The following MXD4 variants were observed in gnomAD, a reference collection of about 807,000 sequenced individuals.
The protein encoded by MXD4 is Mad4 homolog.
Under a neutral mutation model 24.5 loss-of-function variants are expected in MXD4, and 16 were observed. The ratio of observed to expected loss-of-function variants is 0.65; its 90% CI spans 0.44 to 0.99. The LOEUF (loss-of-function observed/expected upper bound fraction) is 0.99. Ranked by LOEUF, MXD4 falls within the 50% of genes least tolerant of loss-of-function variation. MXD4 has a pLI of 0.00. For missense variants in MXD4, 301 were observed against 301.5 expected, an observed-to-expected ratio of 1.00 and a Z score of 0.01; for synonymous variants, 164 against 134.2, an observed-to-expected ratio of 1.22 and a Z score of -1.54.
In MXD4 at chr4:2,250,543, C is replaced by A; in HGVS notation, c.*1G>T. The A allele has an allele frequency of 6.3e-7, 1 of 1,577,348 alleles. No homozygotes were observed. Among genetic ancestry groups the A allele is most frequent in the Non-Finnish European group, 8.6e-7 (1 of 1,162,548 alleles). ...CAGGCCAAGGAGCAGAGGGCACGGG[C>A]CTACGAGAGGGCGGGGCGGCCCAGC... On this transcript the variant is annotated 3_prime_UTR_variant, in exon 6 of 6. Coordinates refer to ENST00000337190, the MANE Select transcript of MXD4 (RefSeq NM_006454.3).
At chr4:2,252,005 C>T (rs1325464362) in intron 4 of MXD4, among the ~76,000 whole-genome samples, 3 of 152,248 alleles carry the variant, frequency 2.0e-5, no homozygotes, top group African/African-American at 7.2e-5. Flanking sequence ...ATCAGGCTGC[C>T]TACTTTTAGT....
At chr4:2,252,258 C>T (rs1053486616) in intron 4 of MXD4, 150 bp downstream of exon 4, 1 of 655,464 alleles carries the variant, frequency 1.5e-6, no homozygotes, top group African/African-American at 1.8e-5. Flanking sequence ...CCCACCAGGC[C>T]CCCGACACAC....
chr4:2,250,743 G>A (rs767369966), intron 5 of MXD4, 42 bp from the exon 6 acceptor site: 15 of 1,590,922 alleles, frequency 9.4e-6, no homozygotes, highest in Non-Finnish European at 1.2e-5. Context: ...CCACTCTGAG[G>A]GTGCCAGCCC....
intron 2 of MXD4, among the ~76,000 whole-genome samples, chr4:2,258,580 A>G (rs577087175): frequency 5.9e-5 from 9 of 152,322 alleles, no homozygotes; most frequent in African/African-American, 2.2e-4. Flanking sequence ...CAGCAGGTGG[A>G]GATGGAGCCC....
At position 2,248,139 on chromosome 4, in the gene MXD4, TG is replaced by T. The variant is rs1358136792; in HGVS notation, c.*2404del. 6.6e-6 allele frequency: 1 copy of T among 152,594 alleles called. No individual in the cohort carries two copies. The highest frequency in any genetic ancestry group is 2.4e-5 in the African/African-American group (1 of 41,458). The allele number at this position is 152,594 out of a possible 1,614,324, so 9.5% of individuals were successfully genotyped here. On this transcript the variant is annotated 3_prime_UTR_variant, in exon 6 of 6. Coordinates refer to ENST00000337190, the MANE Select transcript of MXD4 (RefSeq NM_006454.3). The stretch of plus-strand genomic sequence containing the variant: ...CCCCTGACAGGGAGCAGTGGGAGGT[TG>T]GAGCATGTGGTGACTCCTAGCACGG...
intron 2 of MXD4, among the ~76,000 whole-genome samples, chr4:2,258,598 A>T (rs1424326841): frequency 6.6e-6 from 1 of 152,208 alleles, no homozygotes; most frequent in Non-Finnish European, 1.5e-5. Context: ...CCCAGAGACC[A>T]GGCCCTCAGG....
At chr4:2,250,958 C>T in intron 5 of MXD4, 126 bp downstream of exon 5, 1 of 1,261,116 alleles carries the variant, frequency 7.9e-7, no homozygotes, top group South Asian at 1.6e-5. Context: ...ACACACACCC[C>T]AGTGCAGCAG....
chr4:2,260,150 C>T lies in MXD4; in HGVS notation c.164+1575G>A, dbSNP rs547272087. Among the ~76,000 whole-genome samples the T allele has an allele frequency of 1.4e-4, 22 of 152,322 alleles. 1 individual carries two copies. The South Asian group carries it at 4.6e-3, about 32-fold the overall frequency. ...CCTCAGGCCCCGGGGGAGCGGGGCT[C>T]GGCCCAGAGGAGCCAGGGGAGATGC... is the stretch of plus-strand genomic sequence containing the variant. On this transcript the variant is annotated intron_variant, in intron 2 of 5. Transcript: ENST00000337190.
Position 2,252,559 on chromosome 4 carries a change from G to C in MXD4, c.195-37C>G, listed in dbSNP as rs751711096. 2.3e-5 allele frequency: 35 copies of C among 1,499,166 alleles called. No individual in the cohort carries two copies. In the South Asian group the frequency reaches 3.1e-4, roughly 13 times the overall value. 92.9% of individuals were successfully genotyped at this position (1,499,166 alleles called of 1,614,324 possible). A position where few individuals can be genotyped will look rare whatever the true frequency, so the allele number is the denominator to read the frequency against. Reference sequence around the variant, plus strand: ...AGAGACAGAACCATCAGGCTGGGGTGGGGGAGGGCAGCAGGCAGTTTCCAG... The same window carrying C: ...AGAGACAGAACCATCAGGCTGGGGTCGGGGAGGGCAGCAGGCAGTTTCCAG... On this transcript the variant is annotated intron_variant, in intron 3 of 5. Transcript: ENST00000337190.
At chr4:2,257,831 C>T (rs1735461399) in intron 3 of MXD4, 151 bp downstream of exon 3, 9 of 1,021,670 alleles carry the variant, frequency 8.8e-6, no homozygotes, top group Non-Finnish European at 1.3e-5. Context: ...TCAGCCTTCT[C>T]CTCCAAGTCT....
At chr4:2,258,813 G>GCAAGCAGGATGGGCTGCC in intron 2 of MXD4, 1 of 436,770 alleles carries the variant, frequency 2.3e-6, no homozygotes, top group Admixed American at 2.4e-5. Context: ...CAGGGGCTGT[G>GCAAGCAGGATGGGCTGCC]CTAGCAGGAT....
chr4:2,261,873 C>A, intron 1 of MXD4, 44 bp downstream of exon 1: 15 of 1,392,864 alleles, frequency 1.1e-5, no homozygotes, highest in Non-Finnish European at 1.4e-5. Flanking sequence ...ACGGCCCCGC[C>A]GCCCGCCCAC....
chr4:2,260,212 G>A (rs1351582359), intron 2 of MXD4, among the ~76,000 whole-genome samples: 2 of 152,202 alleles, frequency 1.3e-5, no homozygotes, highest in African/African-American at 4.8e-5. Flanking sequence ...CCTCACCAGT[G>A]CCCCCATGGT....
At chr4:2,256,900 C>G (rs1735442281) in intron 3 of MXD4, among the ~76,000 whole-genome samples, 1 of 152,152 alleles carries the variant, frequency 6.6e-6, no homozygotes, top group Non-Finnish European at 1.5e-5. Context: ...CCCCACGTGC[C>G]TGCCCCGGCT....
intron 5 of MXD4, 46 bp downstream of exon 5, chr4:2,251,038 C>T (rs763707328): frequency 2.1e-5 from 31 of 1,492,598 alleles, no homozygotes; most frequent in African/African-American, 7.0e-5. Context: ...TGCACCACTG[C>T]GCACCCGGAG....
At chr4:2,252,623 C>A (rs1434199080) in intron 3 of MXD4, 101 bp from the exon 4 acceptor site, 6 of 758,668 alleles carry the variant, frequency 7.9e-6, no homozygotes, top group Non-Finnish European at 1.3e-5. Flanking sequence ...CACTGCTGCA[C>A]ATGTGCTGAG....
At chr4:2,260,822 G>A (rs907317761) in intron 2 of MXD4, among the ~76,000 whole-genome samples, 5 of 152,224 alleles carry the variant, frequency 3.3e-5, no homozygotes, top group Non-Finnish European at 7.3e-5. Context: ...CTCCCAGCCT[G>A]CTCACACAAA....
chr4:2,250,595 G>A lies in MXD4; in HGVS notation c.579C>T (p.Asp193=). ...HYSLQSGTGG[D]SGFGPHCRRL... is the part of the protein sequence containing the mutation. ...GCCGGCAGTGGGGCCCGAAGCCACT[G>A]TCGCCGCCGGTGCCACTCTGCAGGC... The change falls in exon 6 of 6, where the codon GAC becomes GAT. Residue 193 remains aspartate (D), a synonymous_variant. Transcript: ENST00000337190. 1 of 1,611,286 alleles carries A rather than the reference G, an allele frequency of 6.2e-7. No individual in the cohort carries two copies. The highest frequency in any genetic ancestry group is 8.5e-7 in the Non-Finnish European group (1 of 1,179,314).
chr4:2,261,647 C>T, intron 2 of MXD4, 78 bp downstream of exon 2: 3 of 871,648 alleles, frequency 3.4e-6, no homozygotes, highest in Non-Finnish European at 4.3e-6. Context: ...GGCCGGGAAT[C>T]GGGGCCCGGA....
Sources: gnomAD v4.1 joint callset for allele counts (sites outside exome capture counted in the v4.1 genomes callset) on GRCh38, gnomAD v4.1.1 for gene constraint, MANE v1.5 for transcripts, NCBI Gene and HGNC (gene_info 2026-07-23, HGNC 2026-07-21) for gene names.